The following ATP8A2 variants were observed in gnomAD, a reference collection of about 807,000 sequenced individuals.
ATP8A2 encodes phospholipid-transporting ATPase IB.
A neutral mutation model predicts 165.6 loss-of-function variants in ATP8A2; 100 were observed. The observed-to-expected ratio is 0.60, with a 90% CI of 0.51 to 0.71. ATP8A2 has a LOEUF of 0.71. Ranked by LOEUF, ATP8A2 falls within the 30% of genes least tolerant of loss-of-function variation. The probability of loss-of-function intolerance (pLI) is 0.00; values close to 1 mark genes in which losing one functional copy is unlikely to be tolerated. For missense variants in ATP8A2, 1,227 were observed against 1,479.5 expected, an observed-to-expected ratio of 0.83 and a Z score of 2.80; for synonymous variants, 543 against 548.8, an observed-to-expected ratio of 0.99 and a Z score of 0.15.
At chr13:26,018,229 C>G (rs1191968704) in intron 36 of ATP8A2, among the ~76,000 whole-genome samples, 1 of 152,200 alleles carries the variant, frequency 6.6e-6, no homozygotes, top group African/African-American at 2.4e-5. Context: ...CTGGAAGAGC[C>G]AGGAAGCCAG....
intron 1 of ATP8A2, among the ~76,000 whole-genome samples, chr13:25,460,642 C>G (rs966447457): frequency 6.6e-6 from 1 of 152,014 alleles, no homozygotes; most frequent in East Asian, 1.9e-4. Context: ...GAACAGAAGC[C>G]CAGTGTATAT....
intron 2 of ATP8A2, chr13:25,517,270 G>A (rs1178648706): frequency 6.6e-6 from 1 of 151,920 alleles, no homozygotes; most frequent in Admixed American, 6.6e-5. Flanking sequence ...GGTAAAACCT[G>A]CTTTTCAATA....
chr13:25,471,034 C>T (rs533715186), intron 2 of ATP8A2, among the ~76,000 whole-genome samples: 5 of 152,286 alleles, frequency 3.3e-5, no homozygotes, highest in Admixed American at 6.5e-5. Context: ...GATGGTTGCA[C>T]AACTCTGTGA....
intron 1 of ATP8A2, 121 bp from the exon 2 acceptor site, chr13:25,468,856 C>A: frequency 6.8e-7 from 1 of 1,466,068 alleles, no homozygotes; most frequent in Non-Finnish European, 9.0e-7. Flanking sequence ...TAGGCGGCGT[C>A]CGCCTCACCC....
chr13:25,718,387 A>T (rs2043301522), intron 25 of ATP8A2, among the ~76,000 whole-genome samples: 2 of 151,474 alleles, frequency 1.3e-5, no homozygotes, highest in African/African-American at 4.9e-5. Context: ...TTTGCTATTC[A>T]TTTTTTTTCC....
At chr13:25,501,191 A>G (rs553209322) in intron 2 of ATP8A2, among the ~76,000 whole-genome samples, 1 of 152,320 alleles carries the variant, frequency 6.6e-6, no homozygotes, top group East Asian at 1.9e-4. Context: ...GCAGACACAG[A>G]AAGGAGCATC....
chr13:25,841,718 T>G (rs1951750041), intron 30 of ATP8A2, among the ~76,000 whole-genome samples: 1 of 152,184 alleles, frequency 6.6e-6, no homozygotes, highest in African/African-American at 2.4e-5. Flanking sequence ...TCAAAGAGTT[T>G]GTAGTATGGA....
At chr13:25,868,026 G>T (rs1306691411) in intron 33 of ATP8A2, 2 of 425,178 alleles carry the variant, frequency 4.7e-6, no homozygotes, top group South Asian at 3.4e-5. Context: ...CCCAGGTGGG[G>T]CGCTCAGTGA....
chr13:25,856,907 G>A (rs9507591), intron 30 of ATP8A2, among the ~76,000 whole-genome samples: 19,716 of 152,206 alleles, frequency 0.13, 1,563 homozygotes, highest in Non-Finnish European at 0.18. Context: ...GACTGCTACA[G>A]TCATTTCTAA....
intron 25 of ATP8A2, among the ~76,000 whole-genome samples, chr13:25,713,288 GT>G (rs1205635454): frequency 6.6e-6 from 1 of 152,118 alleles, no homozygotes. Flanking sequence ...CACTACGTCT[GT>G]TTTTTTCTGA....
chr13:25,939,140 G>A lies in ATP8A2; in HGVS notation c.3184-22435G>A, dbSNP rs945831612. On this transcript the variant is annotated intron_variant, in intron 33 of 36. Transcript: ENST00000381655. ...TTATAGGCATGAGCCACCACGCCAG[G>A]CCTTCTCCTTTCCTTTGATTGCCTC... Among the ~76,000 whole-genome samples, 35 of 152,006 alleles carry A rather than the reference G, an allele frequency of 2.3e-4. 1 individual carries two copies. Among genetic ancestry groups the A allele is most frequent in the African/African-American group, 7.5e-4 (31 of 41,402 alleles).
At chr13:25,703,498 A>G (rs73478838) in intron 25 of ATP8A2, among the ~76,000 whole-genome samples, 3,084 of 152,246 alleles carry the variant, frequency 0.02, 108 homozygotes, top group African/African-American at 0.071. Context: ...CACTCAAACA[A>G]ATACTTGTAT....
At chr13:25,788,619 A>G (rs1446878616) in intron 27 of ATP8A2, among the ~76,000 whole-genome samples, 1 of 152,140 alleles carries the variant, frequency 6.6e-6, no homozygotes, top group African/African-American at 2.4e-5. Context: ...CTTCTGGGGA[A>G]GGGGCTAAGT....
In ATP8A2 at chr13:25,646,671, A is replaced by AAAAAAAAAC. The variant is rs10675043; in HGVS notation, c.2212-52502_2212-52501insAAAAAAAAC. The stretch of plus-strand genomic sequence containing the variant: ...CTCCATCTCAAAAAAAAAAAAAAAA[A>AAAAAAAAAC]CACACAAAAGAATCATTTAGTCACT... On this transcript the variant is annotated intron_variant, in intron 24 of 36. Coordinates refer to ENST00000381655, the MANE Select transcript of ATP8A2 (RefSeq NM_016529.6). Among the ~76,000 whole-genome samples the AAAAAAAAAC allele has an allele frequency of 1.0e-4, 13 of 123,996 alleles. 1 individual carries two copies. Among genetic ancestry groups the AAAAAAAAAC allele is most frequent in the South Asian group, 2.7e-4 (1 of 3,732 alleles). The allele number at this position is 123,996 out of a possible 152,430, so 81.3% of individuals were successfully genotyped here. A position where few individuals can be genotyped will look rare whatever the true frequency, so the allele number is the denominator to read the frequency against.
chr13:25,821,049 A>G (rs1252658137), intron 27 of ATP8A2, among the ~76,000 whole-genome samples: 1 of 152,194 alleles, frequency 6.6e-6, no homozygotes. Flanking sequence ...TGAATTGAAA[A>G]TGTTGAGAAT....
Position 25,784,011 on chromosome 13 carries a change from T to C in ATP8A2, c.2679+9052T>C, listed in dbSNP as rs997738645. On this transcript the variant is annotated intron_variant, in intron 27 of 36. Coordinates refer to ENST00000381655, the MANE Select transcript of ATP8A2 (RefSeq NM_016529.6). ...TTAAGCCAGAGAAATACTAGCAGTC[T>C]GGAGGGATTCCCTACAAGATACACA... Among the ~76,000 whole-genome samples, 3 of 152,136 alleles carry C rather than the reference T, an allele frequency of 2.0e-5. No homozygotes were observed. In the East Asian group the frequency reaches 5.8e-4, roughly 29 times the overall value.
At chr13:25,415,133 C>T (rs2034095183) in intron 1 of ATP8A2, among the ~76,000 whole-genome samples, 1 of 152,234 alleles carries the variant, frequency 6.6e-6, no homozygotes, top group Admixed American at 6.5e-5. Flanking sequence ...TTCACCACTA[C>T]AGATCCAATA....
At chr13:25,788,142 C>A (rs987295703) in intron 27 of ATP8A2, among the ~76,000 whole-genome samples, 5 of 152,232 alleles carry the variant, frequency 3.3e-5, no homozygotes, top group African/African-American at 1.2e-4. Context: ...CACCTCCTGA[C>A]CCATCTCAGC....
chr13:25,458,521 T>G (rs1748579), intron 1 of ATP8A2, among the ~76,000 whole-genome samples: 112,963 of 152,158 alleles, frequency 0.74, 42,193 homozygotes, highest in East Asian at 0.99. Context: ...TGCAGAAGCC[T>G]CATGTGTTAG....
Sources: gnomAD v4.1 joint callset for allele counts (sites outside exome capture counted in the v4.1 genomes callset) on GRCh38, gnomAD v4.1.1 for gene constraint, MANE v1.5 for transcripts, NCBI Gene and HGNC (gene_info 2026-07-23, HGNC 2026-07-21) for gene names.